CCDC86: variants seen among roughly 807,000 people sequenced by gnomAD.
The protein encoded by CCDC86 is coiled-coil domain-containing protein 86.
Under a neutral mutation model 36.7 loss-of-function variants are expected in CCDC86, and 28 were observed. The ratio of observed to expected loss-of-function variants is 0.76; its 90% confidence interval spans 0.57 to 1.05. CCDC86 has a LOEUF of 1.05. CCDC86 is among the 50% of genes least tolerant of loss of function. The pLI is 0.00. For missense variants in CCDC86, 453 were observed against 470.2 expected (o/e 0.96, Z 0.34); for synonymous variants, 199 against 203.4 (o/e 0.98, Z 0.18).
chr11:60,848,484 C>T (rs765394291), intron 2 of CCDC86, among the ~76,000 whole-genome samples: 13 of 152,240 alleles, frequency 8.5e-5, no homozygotes, highest in Middle Eastern at 3.4e-3. Flanking sequence ...CAAGAAGCAG[C>T]CCACACACCA....
At chr11:60,843,098 C>T (rs1198165887) in intron 1 of CCDC86, 4 of 579,848 alleles carry the variant, frequency 6.9e-6, no homozygotes, top group Non-Finnish European at 1.1e-5. Flanking sequence ...TTCTCTGATG[C>T]CTTTCCTCCT....
chr11:60,842,509 C>T lies in CCDC86; in HGVS notation c.385C>T (p.Gln129Ter), dbSNP rs773841693. Residue 129 changes from glutamine (Q) to a stop codon, truncating the protein, a stop_gained, in exon 1 of 4, where the codon CAG becomes TAG. Transcript: ENST00000227520. LOFTEE classifies it high-confidence loss of function. Reference protein sequence around the residue: ...KPSEEAPKCSQDQGVLASELA... With the variant: ...KPSEEAPKCS ...AAGTGAGGAGGCACCAAAGTGTTCT[C>T]AGGACCAGGGAGTACTGGCCTCGGA... is the stretch of plus-strand genomic sequence containing the variant. 3.1e-6 allele frequency: 5 copies of T among 1,613,680 alleles called. No individual in the cohort carries two copies. Among genetic ancestry groups the T allele is most frequent in the Non-Finnish European group, 4.2e-6 (5 of 1,179,850 alleles).
At chr11:60,844,890 T>A (rs59990398) in intron 1 of CCDC86, among the ~76,000 whole-genome samples, 8 of 152,178 alleles carry the variant, frequency 5.3e-5, no homozygotes, top group African/African-American at 1.7e-4. Context: ...GGTAAACATG[T>A]CTGTGAACAA....
chr11:60,846,677 C>T (rs943363872), intron 1 of CCDC86, among the ~76,000 whole-genome samples: 1 of 152,074 alleles, frequency 6.6e-6, no homozygotes, highest in African/African-American at 2.4e-5. Context: ...TGGGTTCAAG[C>T]GATTCTCCTG....
At chr11:60,850,121 C>G in intron 3 of CCDC86, 85 bp from the exon 4 acceptor site, 1 of 1,606,802 alleles carries the variant, frequency 6.2e-7, no homozygotes, top group East Asian at 2.2e-5. Flanking sequence ...CGATCTCAGG[C>G]CCCTGTGGGG....
Position 60,848,059 on chromosome 11 carries a change from G to A in CCDC86, c.888+6G>A, listed in dbSNP as rs1398449709. On this transcript the variant is annotated splice_donor_region_variant and intron_variant, in intron 2 of 3. Coordinates refer to ENST00000227520, the MANE Select transcript of CCDC86 (RefSeq NM_024098.4). ...AGAAGGAGAGGCGCCGCCAGGTGAG[G>A]GGCCAGCCAGGCTGAGGCTGGGGCT... The A allele has an allele frequency of 6.2e-7, 1 of 1,611,556 alleles. No homozygotes were observed. The highest frequency in any genetic ancestry group is 8.5e-7 in the Non-Finnish European group (1 of 1,178,598).
chr11:60,845,127 G>A (rs1400240141), intron 1 of CCDC86, among the ~76,000 whole-genome samples: 2 of 152,206 alleles, frequency 1.3e-5, no homozygotes, highest in Non-Finnish European at 2.9e-5. Flanking sequence ...ACAGTATCCA[G>A]GCAACAGGAA....
At chr11:60,849,870 C>T (rs1236427204) in intron 2 of CCDC86, 70 bp from the exon 3 acceptor site, 2 of 1,350,464 alleles carry the variant, frequency 1.5e-6, no homozygotes, top group African/African-American at 2.9e-5. Flanking sequence ...CGCTCGCACT[C>T]TTCTGGGGCC....
chr11:60,842,250 G>C lies in CCDC86; in HGVS notation c.126G>C (p.Thr42=). The change falls in exon 1 of 4, where the codon ACG becomes ACC. Residue 42 remains threonine (T), a synonymous_variant. Coordinates refer to ENST00000227520, the MANE Select transcript of CCDC86 (RefSeq NM_024098.4). ...LVEFESNPEE[T]REPGSPPSVQ... is the part of the protein sequence containing the mutation. ...AGTTCGAGTCGAACCCAGAAGAAAC[G>C]AGGGAGCCCGGGTCTCCTCCGAGTG... is the stretch of plus-strand genomic sequence containing the variant. 1 of 1,613,384 alleles carries C rather than the reference G, an allele frequency of 6.2e-7. No homozygotes were observed. Among genetic ancestry groups the C allele is most frequent in the Non-Finnish European group, 8.5e-7 (1 of 1,179,932 alleles).
Position 60,850,572 on chromosome 11 carries a change from C to A in CCDC86, c.*247C>A. The A allele has an allele frequency of 1.9e-6, 1 of 515,048 alleles. No homozygotes were observed. Among genetic ancestry groups the A allele is most frequent in the Non-Finnish European group, 3.4e-6 (1 of 290,624 alleles). 31.9% of individuals were successfully genotyped at this position (515,048 alleles called of 1,614,324 possible). On this transcript the variant is annotated 3_prime_UTR_variant, in exon 4 of 4. Coordinates refer to ENST00000227520, the MANE Select transcript of CCDC86 (RefSeq NM_024098.4). ...GGAAGAGATTCAGCTCCCATCCCTC[C>A]TTCCTCTCCTTCTCCAAGTGCCTTC...
Position 60,850,520 on chromosome 11 carries a change from G to T in CCDC86, c.*195G>T, listed in dbSNP as rs41530751. ...TGTGTGGGACAGAAGCCCAGAGGGG[G>T]CCTGGGACCTGGCAGAGATGGGGGC... On this transcript the variant is annotated 3_prime_UTR_variant, in exon 4 of 4. Transcript: ENST00000227520. The T allele has an allele frequency of 0.026, 16,432 of 628,346 alleles. 624 individuals carry two copies. Among genetic ancestry groups the T allele is most frequent in the African/African-American group, 0.14 (7,559 of 54,304 alleles). The allele number at this position is 628,346 out of a possible 1,614,324, so 38.9% of individuals were successfully genotyped here. A position where few individuals can be genotyped will look rare whatever the true frequency, so the allele number is the denominator to read the frequency against.
chr11:60,842,146 A>G lies in CCDC86; in HGVS notation c.22A>G (p.Ser8Gly). Reference protein sequence around the residue: MDTPLRRSRRLGGLRPES... With the variant: MDTPLRRGRRLGGLRPES... ...AGCCATGGATACACCGTTAAGGCGCAGCCGACGGCTGGGAGGCCTAAGGCC... is the reference window on the plus strand; with the variant it reads ...AGCCATGGATACACCGTTAAGGCGCGGCCGACGGCTGGGAGGCCTAAGGCC... The change falls in exon 1 of 4, where the codon AGC becomes GGC. Residue 8 changes from serine to glycine, a missense_variant. Ser to Gly is a moderately conservative substitution (Grantham distance 56, BLOSUM62 0). Transcript: ENST00000227520. 1.3e-6 allele frequency: 2 copies of G among 1,596,430 alleles called. No homozygotes were observed. The highest frequency in any genetic ancestry group is 8.5e-7 in the Non-Finnish European group (1 of 1,172,350).
chr11:60,845,618 G>T (rs142600122), intron 1 of CCDC86, among the ~76,000 whole-genome samples: 1 of 152,250 alleles, frequency 6.6e-6, no homozygotes. Context: ...TGTATGTGGT[G>T]AGGGAGACCT....
chr11:60,844,331 C>T (rs1016098850), intron 1 of CCDC86, among the ~76,000 whole-genome samples: 2 of 152,208 alleles, frequency 1.3e-5, no homozygotes, highest in Admixed American at 6.5e-5. Flanking sequence ...CAACTGCAGA[C>T]CCGTCCTGAC....
intron 1 of CCDC86, among the ~76,000 whole-genome samples, chr11:60,845,422 G>A (rs911595600): frequency 6.6e-6 from 1 of 152,230 alleles, no homozygotes; most frequent in African/African-American, 2.4e-5. Flanking sequence ...CCACAAGGAG[G>A]CTGTCTCAAG....
chr11:60,842,990 C>T (rs1052873294), intron 1 of CCDC86, 108 bp downstream of exon 1: 22 of 1,370,302 alleles, frequency 1.6e-5, no homozygotes, highest in Non-Finnish European at 2.0e-5. Flanking sequence ...AGAGAGCTCA[C>T]GTTAGTGGGG....
chr11:60,845,176 G>A (rs1027472188), intron 1 of CCDC86, among the ~76,000 whole-genome samples: 2 of 152,312 alleles, frequency 1.3e-5, no homozygotes, highest in Middle Eastern at 3.4e-3. Context: ...GCAAGCTCCC[G>A]TTTGAGAGGC....
At chr11:60,846,466 A>G (rs148227602) in intron 1 of CCDC86, among the ~76,000 whole-genome samples, 2 of 152,146 alleles carry the variant, frequency 1.3e-5, no homozygotes, top group Non-Finnish European at 2.9e-5. Context: ...GAAATTTTCA[A>G]GCATACAAAG....
Position 60,848,503 on chromosome 11 carries a change from G to C in CCDC86, c.888+450G>C, listed in dbSNP as rs567140519. 2.0e-5 allele frequency among the ~76,000 whole-genome samples: 3 copies of C among 152,272 alleles called. No individual in the cohort carries two copies. The East Asian group carries it at 5.8e-4, about 29-fold the overall frequency. On this transcript the variant is annotated intron_variant, in intron 2 of 3. Coordinates refer to ENST00000227520, the MANE Select transcript of CCDC86 (RefSeq NM_024098.4). The stretch of plus-strand genomic sequence containing the variant: ...AAGCAGCCCACACACCAGCAACGTG[G>C]ATGGCCCCCGCACCTTTCCTCCACT...
Sources: allele counts gnomAD v4.1 joint callset (sites outside exome capture counted in the v4.1 genomes callset), GRCh38; gene constraint gnomAD v4.1.1; transcripts MANE v1.5; gene names NCBI Gene and HGNC (gene_info 2026-07-23, HGNC 2026-07-21).